TENM2: variants seen among roughly 807,000 people sequenced by gnomAD.
The protein encoded by TENM2 is teneurin transmembrane protein 2, also known as teneurin-2.
A neutral mutation model predicts 245.2 loss-of-function variants in TENM2; 52 were observed. That is an observed-to-expected ratio of 0.21 (90% CI 0.17 to 0.27). TENM2 has a LOEUF of 0.27. TENM2 is among the 10% of genes least tolerant of loss of function. The pLI is 1.00. For synonymous variants in TENM2, 1,363 were observed against 1,438.9 expected, an observed-to-expected ratio of 0.95 and a Z score of 1.19; for missense variants, 3,046 against 3,666.8, an observed-to-expected ratio of 0.83 and a Z score of 4.37.
chr5:167,346,966 G>A (rs1383104183), intron 1 of TENM2, among the ~76,000 whole-genome samples: 1 of 151,932 alleles, frequency 6.6e-6, no homozygotes, highest in Non-Finnish European at 1.5e-5. Context: ...TAGAGACAGG[G>A]TCTTGCCATG....
intron 25 of TENM2, among the ~76,000 whole-genome samples, chr5:168,228,449 C>G (rs1270001860): frequency 6.6e-6 from 1 of 152,212 alleles, no homozygotes; most frequent in Non-Finnish European, 1.5e-5. Context: ...TAACTAGAGA[C>G]AGCTTTGGTC....
chr5:167,350,531 G>T (rs1758767984), intron 1 of TENM2, among the ~76,000 whole-genome samples: 1 of 136,808 alleles, frequency 7.3e-6, no homozygotes, highest in African/African-American at 2.6e-5. Flanking sequence ...TATATATATG[G>T]AATATATAGA....
chr5:168,166,162 G>A (rs1480443864), intron 13 of TENM2, among the ~76,000 whole-genome samples: 1 of 152,092 alleles, frequency 6.6e-6, no homozygotes, highest in Non-Finnish European at 1.5e-5. Flanking sequence ...TATCAGGAAG[G>A]GCTATGTGAG....
intron 2 of TENM2, among the ~76,000 whole-genome samples, chr5:167,515,652 C>CATATATATGTATATATGTAT (rs1250314783): frequency 9.7e-4 from 118 of 121,638 alleles, no homozygotes; most frequent in African/African-American, 3.9e-3. Flanking sequence ...TATATATACA[C>CATATATATGTATATATGTAT]ATATATACGT....
chr5:167,265,977 G>T, the TENM2 span, among the ~76,000 whole-genome samples: 6 of 152,006 alleles, frequency 3.9e-5, no homozygotes, highest in South Asian at 4.1e-4. Context: ...TATATTAATT[G>T]TCTCCCCAAC....
chr5:168,094,995 T>C (rs902193831), intron 8 of TENM2, among the ~76,000 whole-genome samples: 6 of 151,932 alleles, frequency 3.9e-5, no homozygotes, highest in Admixed American at 6.6e-5. Flanking sequence ...CCTGATGATC[T>C]GTCACTGTCT....
chr5:167,835,195 A>G (rs1768879094), intron 2 of TENM2, among the ~76,000 whole-genome samples: 3 of 152,230 alleles, frequency 2.0e-5, no homozygotes, highest in Non-Finnish European at 4.4e-5. Context: ...AGCCTGAAGC[A>G]TCTACTTAGA....
the TENM2 span, among the ~76,000 whole-genome samples, chr5:167,134,464 A>T: frequency 2.0e-5 from 3 of 152,316 alleles, no homozygotes; most frequent in African/African-American, 7.2e-5. Flanking sequence ...AGGATTCATT[A>T]TTGGCAGTAG....
chr5:167,881,615 T>A (rs922764829), intron 3 of TENM2, among the ~76,000 whole-genome samples: 2 of 152,234 alleles, frequency 1.3e-5, no homozygotes, highest in South Asian at 4.1e-4. Context: ...GACTCCAGGT[T>A]CTTCCCCAAG....
chr5:167,484,143 G>T (rs578063265), intron 2 of TENM2, among the ~76,000 whole-genome samples: 1 of 152,074 alleles, frequency 6.6e-6, no homozygotes, highest in Non-Finnish European at 1.5e-5. Context: ...TCAAGAGTTC[G>T]AGACCAGCCT....
intron 2 of TENM2, among the ~76,000 whole-genome samples, chr5:167,630,295 A>G (rs1304072845): frequency 6.6e-6 from 1 of 152,084 alleles, no homozygotes; most frequent in Non-Finnish European, 1.5e-5. Context: ...AAGCACTGTG[A>G]CACCCTACAG....
chr5:167,881,575 G>T (rs1583271577), intron 3 of TENM2, among the ~76,000 whole-genome samples: 1 of 152,272 alleles, frequency 6.6e-6, no homozygotes, highest in East Asian at 1.9e-4. Flanking sequence ...ACTTTCCCAA[G>T]TTGGATTTGT....
chr5:167,000,221 T>C, the TENM2 span, among the ~76,000 whole-genome samples: 9,515 of 152,206 alleles, frequency 0.063, 480 homozygotes, highest in East Asian at 0.3. Flanking sequence ...GGGATCCCTA[T>C]CTAGAGAAAA....
At chr5:167,801,582 G>A (rs1765777610) in intron 2 of TENM2, among the ~76,000 whole-genome samples, 2 of 152,092 alleles carry the variant, frequency 1.3e-5, no homozygotes, top group African/African-American at 4.8e-5. Context: ...CGCAAGAAGA[G>A]TTGGAATTGA....
At chr5:168,260,785 T>G (rs927418153) in intron 28 of TENM2, among the ~76,000 whole-genome samples, 1 of 152,204 alleles carries the variant, frequency 6.6e-6, no homozygotes, top group African/African-American at 2.4e-5. Context: ...GGTTTGCAGT[T>G]TCTGTCCCAT....
intron 1 of TENM2, among the ~76,000 whole-genome samples, chr5:167,300,927 T>C (rs2127736016): frequency 6.6e-6 from 1 of 152,060 alleles, no homozygotes; most frequent in East Asian, 1.9e-4. Flanking sequence ...ATTATCTAAG[T>C]TGGCCCCAGA....
chr5:168,110,167 T>C (rs1397966652), intron 9 of TENM2, among the ~76,000 whole-genome samples: 1 of 151,348 alleles, frequency 6.6e-6, no homozygotes, highest in Non-Finnish European at 1.5e-5. Flanking sequence ...AATCCTGTGG[T>C]TTATGGGAAA....
chr5:167,021,354 T>C, the TENM2 span, among the ~76,000 whole-genome samples: 7 of 152,282 alleles, frequency 4.6e-5, no homozygotes, highest in African/African-American at 1.7e-4. Context: ...AATACAGTAG[T>C]ACAGGAAATT....
chr5:167,215,174 C>T, the TENM2 span, among the ~76,000 whole-genome samples: 1 of 152,172 alleles, frequency 6.6e-6, no homozygotes, highest in South Asian at 2.1e-4. Context: ...GGCGAGCTTG[C>T]TCCCTCTGAA....
Sources: gnomAD v4.1 joint callset for allele counts (sites outside exome capture counted in the v4.1 genomes callset) on GRCh38, gnomAD v4.1.1 for gene constraint, MANE v1.5 for transcripts, NCBI Gene and HGNC (gene_info 2026-07-23, HGNC 2026-07-21) for gene names.